The following CSTPP1 variants were observed in gnomAD, a reference collection of about 807,000 sequenced individuals.
CSTPP1 encodes the protein UPF0705 protein C11orf49.
chr11:47,123,673 G>A, the CSTPP1 span, among the ~76,000 whole-genome samples: 1 of 152,194 alleles, frequency 6.6e-6, no homozygotes, highest in Non-Finnish European at 1.5e-5. Context: ...AGAGTTCACA[G>A]CATTCCCACT....
chr11:47,098,665 C>T, the CSTPP1 span, among the ~76,000 whole-genome samples: 1 of 152,060 alleles, frequency 6.6e-6, no homozygotes, highest in Non-Finnish European at 1.5e-5. Flanking sequence ...GCTACCACAG[C>T]TAATTTTTGT....
chr11:47,101,472 T>C, the CSTPP1 span, among the ~76,000 whole-genome samples: 1 of 151,998 alleles, frequency 6.6e-6, no homozygotes, highest in Non-Finnish European at 1.5e-5. Context: ...AAATAAAATA[T>C]GAATTTCCCA....
chr11:46,994,423 A>G, the CSTPP1 span, among the ~76,000 whole-genome samples: 388 of 152,294 alleles, frequency 2.5e-3, 3 homozygotes, highest in African/African-American at 9.1e-3. Context: ...ATTGTCATAA[A>G]TAGCTCATTA....
the CSTPP1 span, among the ~76,000 whole-genome samples, chr11:47,042,688 T>C: frequency 5.9e-5 from 9 of 152,212 alleles, no homozygotes; most frequent in Non-Finnish European, 1.0e-4. Context: ...GAAATTTGAA[T>C]ACTCGTTTTG....
chr11:46,942,207 G>A, the CSTPP1 span, among the ~76,000 whole-genome samples: 2 of 152,212 alleles, frequency 1.3e-5, no homozygotes, highest in Non-Finnish European at 2.9e-5. Context: ...GGCCTGAAGA[G>A]AGAAAGGAGA....
chr11:47,038,715 C>G, the CSTPP1 span, among the ~76,000 whole-genome samples: 12 of 112,072 alleles, frequency 1.1e-4, no homozygotes, highest in South Asian at 6.0e-4. Flanking sequence ...CGAGGTGGCT[C>G]CCGGGCAGAG....
At chr11:47,114,061 C>G in the CSTPP1 span, among the ~76,000 whole-genome samples, 1 of 152,318 alleles carries the variant, frequency 6.6e-6, no homozygotes, top group South Asian at 2.1e-4. Context: ...CAGCTTTCTA[C>G]ATATGGCTAG....
chr11:47,164,258 G>A, the CSTPP1 span: 2 of 1,611,178 alleles, frequency 1.2e-6, no homozygotes, highest in South Asian at 1.1e-5. Flanking sequence ...AGTGAGGCCA[G>A]GGGCCGGCAC....
chr11:46,980,469 T>G, the CSTPP1 span, among the ~76,000 whole-genome samples: 1 of 152,214 alleles, frequency 6.6e-6, no homozygotes, highest in Non-Finnish European at 1.5e-5. Context: ...ATTTGCAAAT[T>G]TGTTCTCAGA....
the CSTPP1 span, among the ~76,000 whole-genome samples, chr11:47,001,414 C>T: frequency 6.6e-6 from 1 of 152,020 alleles, no homozygotes; most frequent in African/African-American, 2.4e-5. Context: ...ACATGTTAAT[C>T]ATCAGAATTA....
chr11:47,148,430 T>C, the CSTPP1 span, among the ~76,000 whole-genome samples: 1 of 151,170 alleles, frequency 6.6e-6, no homozygotes, highest in South Asian at 2.1e-4. Context: ...GACACCTTGA[T>C]TTGGGGACAC....
the CSTPP1 span, among the ~76,000 whole-genome samples, chr11:47,140,882 C>T: frequency 1.1e-3 from 164 of 151,904 alleles, no homozygotes; most frequent in Middle Eastern, 3.4e-3. Context: ...AGGCGGATCA[C>T]GAGGTCAGGA....
chr11:47,156,665 G>C, the CSTPP1 span, among the ~76,000 whole-genome samples: 1 of 152,156 alleles, frequency 6.6e-6, no homozygotes, highest in Non-Finnish European at 1.5e-5. Context: ...CCCCGCCTTT[G>C]TGCATTCCAG....
At chr11:47,116,775 G>A in the CSTPP1 span, among the ~76,000 whole-genome samples, 1 of 150,786 alleles carries the variant, frequency 6.6e-6, no homozygotes, top group Non-Finnish European at 1.5e-5. Context: ...CGCCTCCCGG[G>A]TTCACGCCAT....
the CSTPP1 span, among the ~76,000 whole-genome samples, chr11:47,127,876 A>T: frequency 3.4e-3 from 504 of 147,684 alleles, 4 homozygotes; most frequent in African/African-American, 0.01. Context: ...GATTATTATT[A>T]TTATTTTTTT....
the CSTPP1 span, among the ~76,000 whole-genome samples, chr11:47,007,842 G>A: frequency 6.6e-6 from 1 of 152,160 alleles, no homozygotes; most frequent in Non-Finnish European, 1.5e-5. Flanking sequence ...GGGTTTGAAA[G>A]GATTTGAATA....
At chr11:47,052,613 T>C in the CSTPP1 span, 3 of 1,465,180 alleles carry the variant, frequency 2.0e-6, no homozygotes, top group Non-Finnish European at 2.7e-6. Context: ...CTCTCTCTTT[T>C]CCTCTCTTTC....
chr11:46,985,083 T>C, the CSTPP1 span, among the ~76,000 whole-genome samples: 1 of 152,110 alleles, frequency 6.6e-6, no homozygotes, highest in African/African-American at 2.4e-5. Context: ...TTTTCACCTC[T>C]TTTTGGGTGG....
the CSTPP1 span, among the ~76,000 whole-genome samples, chr11:47,122,091 A>AAAAAAAAAAAAAATATAT: frequency 1.3e-4 from 4 of 31,836 alleles, no homozygotes; most frequent in South Asian, 1.9e-3. Context: ...AAAAAAAAAA[A>AAAAAAAAAAAAAATATAT]ATATATATAT....
Sources: allele counts gnomAD v4.1 joint callset (sites outside exome capture counted in the v4.1 genomes callset), GRCh38; gene constraint gnomAD v4.1.1; transcripts MANE v1.5; gene names NCBI Gene and HGNC (gene_info 2026-07-23, HGNC 2026-07-21).